The following ATP8A2 variants were observed in gnomAD, a reference collection of about 807,000 sequenced individuals.
ATP8A2 encodes the protein ATPase phospholipid transporting 8A2.
ATP8A2 carries 100 observed loss-of-function variants against 165.6 expected under a neutral mutation model. The observed-to-expected ratio is 0.60, with a 90% confidence interval of 0.51 to 0.71. The LOEUF (loss-of-function observed/expected upper bound fraction) is 0.71. ATP8A2 is among the 30% of genes least tolerant of loss of function. The pLI is 0.00. For missense variants in ATP8A2, 1,227 were observed against 1,479.5 expected, an observed-to-expected ratio of 0.83 and a Z score of 2.80; for synonymous variants, 543 against 548.8, an observed-to-expected ratio of 0.99 and a Z score of 0.15.
chr13:25,452,329 G>A (rs1345263282), intron 1 of ATP8A2, among the ~76,000 whole-genome samples: 1 of 152,200 alleles, frequency 6.6e-6, no homozygotes, highest in Non-Finnish European at 1.5e-5. Context: ...CGGAGGTCAT[G>A]TCCTGTTCCT....
At chr13:25,942,351 GGC>G (rs769517389) in intron 33 of ATP8A2, among the ~76,000 whole-genome samples, 2 of 152,174 alleles carry the variant, frequency 1.3e-5, no homozygotes, top group Non-Finnish European at 2.9e-5. Context: ...CTCAGTCTGT[GGC>G]TTTTCTCTAA....
At chr13:25,640,090 A>G (rs1221381779) in intron 24 of ATP8A2, among the ~76,000 whole-genome samples, 2 of 152,250 alleles carry the variant, frequency 1.3e-5, no homozygotes, top group Non-Finnish European at 2.9e-5. Flanking sequence ...AATCTCTGAG[A>G]CACATTTAAA....
chr13:25,417,965 A>C (rs950019178), intron 1 of ATP8A2, among the ~76,000 whole-genome samples: 3 of 152,244 alleles, frequency 2.0e-5, no homozygotes, highest in Admixed American at 1.3e-4. Context: ...TCTGTGTACC[A>C]TGATCCCAGG....
intron 24 of ATP8A2, among the ~76,000 whole-genome samples, chr13:25,617,119 T>G (rs2040847019): frequency 6.6e-6 from 1 of 152,106 alleles, no homozygotes; most frequent in Non-Finnish European, 1.5e-5. Flanking sequence ...AATTGATAAA[T>G]CTCCACAAGG....
At chr13:25,533,230 T>G in intron 5 of ATP8A2, 43 bp from the exon 6 acceptor site, 2 of 1,051,172 alleles carry the variant, frequency 1.9e-6, no homozygotes, top group Non-Finnish European at 2.9e-6. Flanking sequence ...CTGATTCAAT[T>G]TAACACCAGT....
intron 33 of ATP8A2, among the ~76,000 whole-genome samples, chr13:25,899,884 A>C (rs2138943715): frequency 6.6e-6 from 1 of 152,244 alleles, no homozygotes; most frequent in Admixed American, 6.5e-5. Flanking sequence ...TCTATGGGGA[A>C]AAAATAGGTG....
intron 1 of ATP8A2, among the ~76,000 whole-genome samples, chr13:25,419,615 C>T (rs940172778): frequency 1.3e-5 from 2 of 151,524 alleles, no homozygotes; most frequent in Non-Finnish European, 1.5e-5. Context: ...AGGGAAGAGC[C>T]CCTGAAAACC....
intron 35 of ATP8A2, among the ~76,000 whole-genome samples, chr13:25,993,985 T>G (rs910547534): frequency 2.6e-5 from 4 of 152,120 alleles, no homozygotes; most frequent in Non-Finnish European, 5.9e-5. Context: ...GTCTCTCCAT[T>G]TGTTTAGATT....
chr13:25,844,481 G>A (rs1395188644), intron 30 of ATP8A2, among the ~76,000 whole-genome samples: 2 of 152,036 alleles, frequency 1.3e-5, no homozygotes, highest in African/African-American at 4.8e-5. Context: ...TGCCCACCTC[G>A]GCTTCCCAAA....
At chr13:25,589,564 C>G (rs2040012637) in intron 23 of ATP8A2, 71 bp from the exon 24 acceptor site, 3 of 1,170,342 alleles carry the variant, frequency 2.6e-6, no homozygotes, top group Non-Finnish European at 3.8e-6. Flanking sequence ...CAGATATAAC[C>G]AAGGAGGTTG....
intron 1 of ATP8A2, among the ~76,000 whole-genome samples, chr13:25,435,266 A>T (rs1280074380): frequency 6.6e-6 from 1 of 151,748 alleles, no homozygotes; most frequent in Non-Finnish European, 1.5e-5. Flanking sequence ...GATTACAGGC[A>T]CCCACCACCA....
At chr13:25,389,852 A>G (rs2033181941) in intron 1 of ATP8A2, among the ~76,000 whole-genome samples, 1 of 152,236 alleles carries the variant, frequency 6.6e-6, no homozygotes, top group South Asian at 2.1e-4. Context: ...GTCCAAGGCA[A>G]TACTAGAAGA....
intron 33 of ATP8A2, among the ~76,000 whole-genome samples, chr13:25,948,549 A>C (rs1955269613): frequency 6.6e-6 from 1 of 152,114 alleles, no homozygotes; most frequent in African/African-American, 2.4e-5. Context: ...TATGGACTGA[A>C]TGTGTCTTGC....
At chr13:25,688,358 G>A (rs977915132) in intron 24 of ATP8A2, among the ~76,000 whole-genome samples, 2 of 151,790 alleles carry the variant, frequency 1.3e-5, no homozygotes, top group African/African-American at 4.8e-5. Flanking sequence ...ACCCTAGTTC[G>A]TTACGGGTTC....
At chr13:25,968,865 G>A (rs1955848428) in intron 35 of ATP8A2, among the ~76,000 whole-genome samples, 186 bp downstream of exon 35, 1 of 152,076 alleles carries the variant, frequency 6.6e-6, no homozygotes, top group Non-Finnish European at 1.5e-5. Flanking sequence ...TAAATCTCTG[G>A]AAGTCTCCAG....
At chr13:25,805,895 GGT>G (rs1950723046) in intron 27 of ATP8A2, among the ~76,000 whole-genome samples, 1 of 151,840 alleles carries the variant, frequency 6.6e-6, no homozygotes, top group Non-Finnish European at 1.5e-5. Flanking sequence ...ATTCATGGTA[GGT>G]ATATCCAGTA....
intron 24 of ATP8A2, among the ~76,000 whole-genome samples, chr13:25,613,017 G>T (rs1184407816): frequency 6.6e-6 from 1 of 152,032 alleles, no homozygotes; most frequent in Non-Finnish European, 1.5e-5. Flanking sequence ...GTGAGTCCTT[G>T]CATGTTAGGG....
intron 1 of ATP8A2, among the ~76,000 whole-genome samples, chr13:25,409,094 C>T (rs1449806932): frequency 1.3e-5 from 2 of 152,144 alleles, no homozygotes; most frequent in African/African-American, 2.4e-5. Flanking sequence ...GTAAAGCCCT[C>T]TTTTTTTGCA....
chr13:25,662,939 A>G (rs2042081121), intron 24 of ATP8A2, among the ~76,000 whole-genome samples: 1 of 152,184 alleles, frequency 6.6e-6, no homozygotes, highest in Non-Finnish European at 1.5e-5. Flanking sequence ...AATGCAAAGG[A>G]AAGGGGTTCA....
Sources: allele counts gnomAD v4.1 joint callset (sites outside exome capture counted in the v4.1 genomes callset), GRCh38; gene constraint gnomAD v4.1.1; transcripts MANE v1.5; gene names NCBI Gene and HGNC (gene_info 2026-07-23, HGNC 2026-07-21).